FAM204A: variants seen among roughly 807,000 people sequenced by gnomAD.
FAM204A encodes the protein family with sequence similarity 204 member A, also known as protein FAM204A.
FAM204A carries 16 observed loss-of-function variants against 35.4 expected under a neutral mutation model. The observed-to-expected ratio is 0.45, with a 90% CI of 0.31 to 0.69. The LOEUF is 0.69. Among genes scored for constraint, FAM204A ranks in the 30% least tolerant of loss-of-function variants. The probability of loss-of-function intolerance (pLI) is 0.07; values close to 1 mark genes in which losing one functional copy is unlikely to be tolerated. For synonymous variants in FAM204A, 76 were observed against 86.9 expected (o/e 0.88, Z 0.70); for missense variants, 240 against 265.7 (o/e 0.90, Z 0.67).
intron 7 of FAM204A, among the ~76,000 whole-genome samples, chr10:118,312,146 C>T (rs1427123459): frequency 6.6e-6 from 1 of 152,230 alleles, no homozygotes; most frequent in Non-Finnish European, 1.5e-5. Context: ...ATGGTATCTT[C>T]TACTTTTAGT....
At chr10:118,335,507 A>G in intron 4 of FAM204A, 47 bp downstream of exon 4, 1 of 1,601,146 alleles carries the variant, frequency 6.2e-7, no homozygotes, top group Non-Finnish European at 8.5e-7. Context: ...AAACTCAGTC[A>G]CAACTTAGCA....
At chr10:118,315,115 C>T (rs947552461) in intron 7 of FAM204A, among the ~76,000 whole-genome samples, 4 of 152,006 alleles carry the variant, frequency 2.6e-5, no homozygotes, top group Admixed American at 1.3e-4. Context: ...TTTGTAAAAG[C>T]GTCTGCATAA....
Position 118,300,421 on chromosome 10 carries a change from T to C in FAM204A, c.*10436A>G, listed in dbSNP as rs937337525. ...AATCAACAAATATTTACTGAACACC[T>C]ACCATGTATGAGTCATTGAGAAATA... On this transcript the variant is annotated 3_prime_UTR_variant, in exon 9 of 9. Transcript: ENST00000369183. 2.0e-5 allele frequency: 3 copies of C among 152,232 alleles called. No individual in the cohort carries two copies. Among genetic ancestry groups the C allele is most frequent in the East Asian group, 3.8e-4 (2 of 5,208 alleles). The allele number at this position is 152,232 out of a possible 1,614,324, so 9.4% of individuals were successfully genotyped here.
intron 6 of FAM204A, among the ~76,000 whole-genome samples, chr10:118,333,654 CTTGTGT>C (rs1564763055): frequency 6.6e-6 from 1 of 152,100 alleles, no homozygotes; most frequent in Non-Finnish European, 1.5e-5. Context: ...TCCTCTTATG[CTTGTGT>C]TTATTTGTAG....
Position 118,326,172 on chromosome 10 carries a change from G to T in FAM204A, c.525C>A (p.Asn175Lys). 6.2e-7 allele frequency: 1 copy of T among 1,613,670 alleles called. No homozygotes were observed. Among genetic ancestry groups the T allele is most frequent in the Non-Finnish European group, 8.5e-7 (1 of 1,179,720 alleles). The change falls in exon 7 of 9, where the codon AAC becomes AAA. Residue 175 changes from asparagine to lysine, a missense_variant. Transcript: ENST00000369183. ...WNIEKAEELS[N>K]QLATRELGVK... ...GACTCACCTCTCGAGTAGCTAGCTG[G>T]TTGCTGAGTTCCTCAGCCTTCTCAA...
At chr10:118,337,518 C>T (rs1177569641) in intron 2 of FAM204A, among the ~76,000 whole-genome samples, 2 of 152,164 alleles carry the variant, frequency 1.3e-5, no homozygotes, top group East Asian at 3.8e-4. Flanking sequence ...GACCTCCTTC[C>T]AGGTCCAAAG....
Position 118,322,002 on chromosome 10 carries a change from A to G in FAM204A, c.543+4152T>C, listed in dbSNP as rs532180403. ...TCCAGATTTACTGAGAAATTTAGCAAAGGCACACAAAAGATTCTATAATCC... is the reference window on the plus strand; with the variant it reads ...TCCAGATTTACTGAGAAATTTAGCAGAGGCACACAAAAGATTCTATAATCC... On this transcript the variant is annotated intron_variant, in intron 7 of 8. Transcript: ENST00000369183. 5.3e-5 allele frequency among the ~76,000 whole-genome samples: 8 copies of G among 152,252 alleles called. No individual in the cohort carries two copies. In the South Asian group the frequency reaches 1.4e-3, roughly 28 times the overall value.
At chr10:118,333,930 CAT>C (rs1481663283) in intron 6 of FAM204A, among the ~76,000 whole-genome samples, 1 of 152,132 alleles carries the variant, frequency 6.6e-6, no homozygotes, top group Non-Finnish European at 1.5e-5. Context: ...TAGGTACACA[CAT>C]AGTCTACAGC....
At position 118,300,141 on chromosome 10, in the gene FAM204A, A is replaced by G. The variant is rs1438666107; in HGVS notation, c.*10716T>C. Reference sequence around the variant, plus strand: ...TTTAAGCAGGGTCCTCTAGAAGGAAAAGTTCAGGTGGTTTCTGAACCACGG... The same window carrying G: ...TTTAAGCAGGGTCCTCTAGAAGGAAGAGTTCAGGTGGTTTCTGAACCACGG... On this transcript the variant is annotated 3_prime_UTR_variant, in exon 9 of 9. Transcript: ENST00000369183. 1 of 152,144 alleles carries G rather than the reference A, an allele frequency of 6.6e-6. No individual in the cohort carries two copies. Among genetic ancestry groups the G allele is most frequent in the African/African-American group, 2.4e-5 (1 of 41,420 alleles). The allele number at this position is 152,144 out of a possible 1,614,324, so 9.4% of individuals were successfully genotyped here.
intron 7 of FAM204A, among the ~76,000 whole-genome samples, chr10:118,322,610 G>A (rs1846136024): frequency 6.6e-6 from 1 of 151,998 alleles, no homozygotes; most frequent in African/African-American, 2.4e-5. Flanking sequence ...CTAGGAAAAA[G>A]AAGTTTCTTT....
At chr10:118,338,279 T>C (rs1846419581) in intron 2 of FAM204A, among the ~76,000 whole-genome samples, 1 of 152,148 alleles carries the variant, frequency 6.6e-6, no homozygotes, top group Non-Finnish European at 1.5e-5. Context: ...AATACTCCAA[T>C]AGCACAAAAG....
rs1179790030 is a variant in FAM204A, at chr10:118,304,370, T to C, written c.*6487A>G. The C allele has an allele frequency of 2.0e-5, 3 of 152,228 alleles. No individual in the cohort carries two copies. The highest frequency in any genetic ancestry group is 4.4e-5 in the Non-Finnish European group (3 of 68,048). The allele number at this position is 152,228 out of a possible 1,614,324, so 9.4% of individuals were successfully genotyped here. On this transcript the variant is annotated 3_prime_UTR_variant, in exon 9 of 9. Coordinates refer to ENST00000369183, the MANE Select transcript of FAM204A (RefSeq NM_022063.3). ...TACTAAACTACTAATATAACATTAC[T>C]CTTTAAAAGCCTGCTCTCTGACTAC...
At chr10:118,311,935 G>A (rs1457019696) in intron 7 of FAM204A, among the ~76,000 whole-genome samples, 2 of 152,132 alleles carry the variant, frequency 1.3e-5, no homozygotes, top group Admixed American at 6.5e-5. Context: ...GGCCCTCTAT[G>A]TGTGCCCCCC....
intron 6 of FAM204A, among the ~76,000 whole-genome samples, chr10:118,332,998 AAC>A (rs1846316500): frequency 2.0e-5 from 3 of 152,232 alleles, no homozygotes; most frequent in Admixed American, 2.0e-4. Context: ...TGCTGCCAGA[AAC>A]ACAATTATAG....
intron 7 of FAM204A, among the ~76,000 whole-genome samples, chr10:118,316,624 T>C (rs1395214783): frequency 6.6e-6 from 1 of 152,184 alleles, no homozygotes; most frequent in Admixed American, 6.5e-5. Context: ...TTTATTTTTA[T>C]ACCTACAACT....
chr10:118,320,168 G>A (rs1846089919), intron 7 of FAM204A, among the ~76,000 whole-genome samples: 1 of 148,590 alleles, frequency 6.7e-6, no homozygotes, highest in Admixed American at 6.7e-5. Context: ...CTAAGTAATC[G>A]GTAGTAAGCA....
At chr10:118,325,998 C>T (rs1386451130) in intron 7 of FAM204A, among the ~76,000 whole-genome samples, 156 bp downstream of exon 7, 2 of 151,856 alleles carry the variant, frequency 1.3e-5, no homozygotes, top group Non-Finnish European at 2.9e-5. Flanking sequence ...CCTAGCATTT[C>T]AAAATAAATG....
rs186101494 is a variant in FAM204A, at chr10:118,302,951, C to A, written c.*7906G>T. 1 of 152,288 alleles carries A rather than the reference C, an allele frequency of 6.6e-6. No homozygotes were observed. Among genetic ancestry groups the A allele is most frequent in the African/African-American group, 2.4e-5 (1 of 41,554 alleles). 9.4% of individuals were successfully genotyped at this position (152,288 alleles called of 1,614,324 possible). A position where few individuals can be genotyped will look rare whatever the true frequency, so the allele number is the denominator to read the frequency against. On this transcript the variant is annotated 3_prime_UTR_variant, in exon 9 of 9. Coordinates refer to ENST00000369183, the MANE Select transcript of FAM204A (RefSeq NM_022063.3). ...GCTTTTGAAAATGTGGAATCCCAGG[C>A]CCTGCCCCCAGAGAGGGACCCTGGA... is the stretch of plus-strand genomic sequence containing the variant.
intron 7 of FAM204A, among the ~76,000 whole-genome samples, chr10:118,323,650 T>C (rs1403718998): frequency 6.6e-6 from 1 of 152,074 alleles, no homozygotes; most frequent in African/African-American, 2.4e-5. Flanking sequence ...ATCTACGCAC[T>C]GGAGTCTCTC....
Sources: gnomAD v4.1 joint callset for allele counts (sites outside exome capture counted in the v4.1 genomes callset) on GRCh38, gnomAD v4.1.1 for gene constraint, MANE v1.5 for transcripts, NCBI Gene and HGNC (gene_info 2026-07-23, HGNC 2026-07-21) for gene names.